Variants in RFX3 observed in about 807,000 individuals in gnomAD.
RFX3 encodes the protein regulatory factor X3, also known as transcription factor RFX3.
In RFX3, 14 loss-of-function variants were observed where a neutral mutation model predicts 98.6. The ratio of observed to expected loss-of-function variants is 0.14; its 90% CI spans 0.09 to 0.22. The LOEUF is 0.22. RFX3 is among the 10% of genes least tolerant of loss of function. RFX3 has a pLI of 1.00. For missense variants in RFX3, 639 were observed against 926.9 expected (o/e 0.69, Z 4.03); for synonymous variants, 383 against 328.4 (o/e 1.17, Z -1.80).
intron 15 of RFX3, among the ~76,000 whole-genome samples, chr9:3,243,983 T>G (rs1200982489): frequency 6.7e-6 from 1 of 148,472 alleles, no homozygotes; most frequent in Non-Finnish European, 1.5e-5. Flanking sequence ...GTCTCATTTC[T>G]TCTTCTTTTT....
intron 2 of RFX3, chr9:3,394,705 A>C: frequency 2.3e-6 from 1 of 436,992 alleles, no homozygotes; most frequent in Non-Finnish European, 3.0e-6. Context: ...GAGTCTCTTT[A>C]ATACTAAGAA....
chr9:3,252,358 A>T (rs111903420), intron 14 of RFX3, among the ~76,000 whole-genome samples: 65 of 152,352 alleles, frequency 4.3e-4, no homozygotes, highest in African/African-American at 1.4e-3. Context: ...AGATAAAAAA[A>T]TATAAAGTTA....
At chr9:3,331,092 T>A (rs1447410872) in intron 3 of RFX3, among the ~76,000 whole-genome samples, 1 of 152,140 alleles carries the variant, frequency 6.6e-6, no homozygotes, top group Non-Finnish European at 1.5e-5. Context: ...ACACTTAAGC[T>A]CCTCCTTTAT....
chr9:3,344,646 G>C (rs1834241868), intron 3 of RFX3: 7 of 570,230 alleles, frequency 1.2e-5, no homozygotes, highest in Admixed American at 6.6e-5. Flanking sequence ...AGACACGAAA[G>C]CTACAAACTC....
rs1818131745 is a variant in RFX3, at chr9:3,229,000, G to C, written c.1969-111C>G. 3.4e-5 allele frequency: 28 copies of C among 823,752 alleles called. No homozygotes were observed. In the South Asian group the frequency reaches 5.7e-4, roughly 17 times the overall value. 51.0% of individuals were successfully genotyped at this position (823,752 alleles called of 1,614,324 possible). On this transcript the variant is annotated intron_variant, in intron 15 of 16. Transcript: ENST00000617270. ...TATGACTCTTTAAAACTGTAAACTA[G>C]TGGCCATTTTGATCTCTAATTACAT...
chr9:3,247,738 T>C (rs751224325), intron 15 of RFX3: 4 of 1,539,534 alleles, frequency 2.6e-6, no homozygotes, highest in South Asian at 1.2e-5. Context: ...ACTTAAAATA[T>C]TTTTCATATT....
At chr9:3,394,087 A>T (rs1038438706) in intron 2 of RFX3, among the ~76,000 whole-genome samples, 1 of 152,242 alleles carries the variant, frequency 6.6e-6, no homozygotes, top group East Asian at 1.9e-4. Context: ...TCAATCTAAT[A>T]AACTGGTAGC....
intron 2 of RFX3, among the ~76,000 whole-genome samples, chr9:3,348,011 T>C (rs755239410): frequency 7.9e-5 from 12 of 152,158 alleles, no homozygotes; most frequent in Non-Finnish European, 1.8e-4. Context: ...CCAATCACTA[T>C]AGTATTGGTT....
intron 1 of RFX3, among the ~76,000 whole-genome samples, chr9:3,475,578 T>C (rs1849169263): frequency 6.6e-6 from 1 of 152,194 alleles, no homozygotes; most frequent in South Asian, 2.1e-4. Context: ...ATATACAGCG[T>C]ATGCAATAGC....
intron 1 of RFX3, among the ~76,000 whole-genome samples, chr9:3,398,484 C>G (rs575240442): frequency 6.6e-6 from 1 of 152,190 alleles, no homozygotes; most frequent in African/African-American, 2.4e-5. Context: ...ATGAACCAGA[C>G]ATTAGATATC....
chr9:3,247,028 T>C (rs555531596), intron 15 of RFX3: 4 of 957,254 alleles, frequency 4.2e-6, no homozygotes, highest in Non-Finnish European at 3.7e-6. Flanking sequence ...GGAAAAGCAT[T>C]GAATAATATC....
chr9:3,448,630 C>T (rs772259819), intron 1 of RFX3, among the ~76,000 whole-genome samples: 2 of 152,118 alleles, frequency 1.3e-5, no homozygotes, highest in African/African-American at 2.4e-5. Context: ...GTAATCCTCC[C>T]GCCTCAGCCT....
At chr9:3,505,173 C>CAT (rs1341195443) in intron 1 of RFX3, among the ~76,000 whole-genome samples, 2 of 66,950 alleles carry the variant, frequency 3.0e-5, no homozygotes, top group South Asian at 5.6e-4. Context: ...ATTTTATATT[C>CAT]ATATAAATAT....
Position 3,270,455 on chromosome 9 carries a change from G to A in RFX3, c.1273C>T (p.Leu425=), listed in dbSNP as rs771057471. ...LITLCKHESI[L]KWMCNCDHGM... ...TGGTCACAGTTACACATCCATTTCA[G>A]GATAGACTCATGTTTGCACAGAGTT... The change falls in exon 11 of 17, where the codon CTG becomes TTG. Residue 425 remains leucine, a synonymous_variant. Transcript: ENST00000617270. 6 of 1,613,782 alleles carry A rather than the reference G, an allele frequency of 3.7e-6. No individual in the cohort carries two copies. The South Asian group carries it at 6.6e-5, about 18-fold the overall frequency.
At chr9:3,482,760 GATATGT>G (rs1397902702) in intron 1 of RFX3, among the ~76,000 whole-genome samples, 1 of 152,052 alleles carries the variant, frequency 6.6e-6, no homozygotes, top group Non-Finnish European at 1.5e-5. Flanking sequence ...AAATGAAACA[GATATGT>G]ATAAGTGTTA....
Position 3,224,218 on chromosome 9 carries a change from A to G in RFX3, c.*824T>C, listed in dbSNP as rs1817532317. Reference sequence around the variant, plus strand: ...TTTTCTGCTTCAGTATCTAACTATAACAGCCCCCACTTAACAGCAGAATGC... The same window carrying G: ...TTTTCTGCTTCAGTATCTAACTATAGCAGCCCCCACTTAACAGCAGAATGC... On this transcript the variant is annotated 3_prime_UTR_variant, in exon 17 of 17. Coordinates refer to ENST00000617270, the MANE Select transcript of RFX3 (RefSeq NM_001282116.2). The G allele has an allele frequency of 6.6e-6, 1 of 152,160 alleles. No individual in the cohort carries two copies. Among genetic ancestry groups the G allele is most frequent in the Non-Finnish European group, 1.5e-5 (1 of 68,018 alleles). 9.4% of individuals were successfully genotyped at this position (152,160 alleles called of 1,614,324 possible). A position where few individuals can be genotyped will look rare whatever the true frequency, so the allele number is the denominator to read the frequency against.
rs1220144633 is a variant in RFX3, at chr9:3,238,977, C to T, written c.1968+9055G>A. Among the ~76,000 whole-genome samples the T allele has an allele frequency of 4.5e-5, 6 of 133,524 alleles. No homozygotes were observed. The East Asian group carries it at 1.3e-3, about 29-fold the overall frequency. The allele number at this position is 133,524 out of a possible 152,430, so 87.6% of individuals were successfully genotyped here. A position where few individuals can be genotyped will look rare whatever the true frequency, so the allele number is the denominator to read the frequency against. ...CACCATTGCACTCCAGCCTGGGCAA[C>T]AAGAGCAAAATTCCATCTCAAAGAA... On this transcript the variant is annotated intron_variant, in intron 15 of 16. Transcript: ENST00000617270.
rs1393708479 is a variant in RFX3, at chr9:3,222,435, A to G, written c.*2607T>C. ...CCCGATCCCTAAGCCTCATCAATCT[A>G]AATTTGCCCATTATTACCAGATTCC... On this transcript the variant is annotated 3_prime_UTR_variant, in exon 17 of 17. Transcript: ENST00000617270. 1 of 152,204 alleles carries G rather than the reference A, an allele frequency of 6.6e-6. No homozygotes were observed. The highest frequency in any genetic ancestry group is 2.4e-5 in the African/African-American group (1 of 41,466). The allele number at this position is 152,204 out of a possible 1,614,324, so 9.4% of individuals were successfully genotyped here.
At chr9:3,289,000 G>A (rs1011473216) in intron 6 of RFX3, among the ~76,000 whole-genome samples, 1 of 152,052 alleles carries the variant, frequency 6.6e-6, no homozygotes, top group Non-Finnish European at 1.5e-5. Flanking sequence ...CCATGTTCAT[G>A]AGAAAGACCA....
Sources: gnomAD v4.1 joint callset for allele counts (sites outside exome capture counted in the v4.1 genomes callset) on GRCh38, gnomAD v4.1.1 for gene constraint, MANE v1.5 for transcripts, NCBI Gene and HGNC (gene_info 2026-07-23, HGNC 2026-07-21) for gene names.